GPC5: variants seen among roughly 807,000 people sequenced by gnomAD.
GPC5 encodes glypican 5.
Under a neutral mutation model 53.9 loss-of-function variants are expected in GPC5, and 47 were observed. The observed-to-expected ratio is 0.87, with a 90% CI of 0.69 to 1.11. The LOEUF is 1.11. Ranked by LOEUF, GPC5 falls within the 50% of genes most tolerant of loss-of-function variation. The pLI is 0.00. For synonymous variants in GPC5, 286 were observed against 263.3 expected, an observed-to-expected ratio of 1.09 and a Z score of -0.84; for missense variants, 748 against 713.1, an observed-to-expected ratio of 1.05 and a Z score of -0.56.
intron 2 of GPC5, among the ~76,000 whole-genome samples, chr13:91,480,758 G>C (rs1482468994): frequency 6.6e-6 from 1 of 152,120 alleles, no homozygotes; most frequent in African/African-American, 2.4e-5. Flanking sequence ...TATAAGGAGG[G>C]TTCACCTAGG....
At chr13:92,474,416 A>T (rs1435627343) in intron 7 of GPC5, among the ~76,000 whole-genome samples, 1 of 152,064 alleles carries the variant, frequency 6.6e-6, no homozygotes, top group East Asian at 1.9e-4. Flanking sequence ...ATTTGCATTT[A>T]TTTCAGATAC....
chr13:92,626,482 G>A (rs776504116), intron 7 of GPC5, among the ~76,000 whole-genome samples: 5 of 152,190 alleles, frequency 3.3e-5, no homozygotes, highest in Admixed American at 6.5e-5. Flanking sequence ...TGTGGTGAAC[G>A]TTGGGGATAG....
intron 7 of GPC5, among the ~76,000 whole-genome samples, chr13:92,310,874 C>A (rs1180004948): frequency 2.6e-5 from 4 of 152,020 alleles, no homozygotes; most frequent in Non-Finnish European, 5.9e-5. Context: ...AAACATAGCA[C>A]TGATAATAAA....
chr13:91,930,829 T>C (rs2039815132), intron 6 of GPC5, among the ~76,000 whole-genome samples: 1 of 152,116 alleles, frequency 6.6e-6, no homozygotes, highest in African/African-American at 2.4e-5. Context: ...CAATTGGATT[T>C]ATTAATTCTC....
intron 7 of GPC5, among the ~76,000 whole-genome samples, chr13:92,344,184 G>A (rs1216337051): frequency 6.6e-6 from 1 of 152,096 alleles, no homozygotes; most frequent in South Asian, 2.1e-4. Context: ...TATAATCATG[G>A]CAGAAGGGGA....
At chr13:91,729,741 A>G (rs138739698) in intron 4 of GPC5, among the ~76,000 whole-genome samples, 1 of 152,292 alleles carries the variant, frequency 6.6e-6, no homozygotes, top group African/African-American at 2.4e-5. Flanking sequence ...CTTGCACTTG[A>G]AAAATCAGTA....
intron 6 of GPC5, among the ~76,000 whole-genome samples, chr13:91,943,002 GT>G (rs529238627): frequency 1.3e-5 from 2 of 152,126 alleles, no homozygotes; most frequent in African/African-American, 4.8e-5. Context: ...AAATAGCTCT[GT>G]TTTTTATTTG....
At chr13:91,518,362 AAAC>A (rs1427610299) in intron 2 of GPC5, among the ~76,000 whole-genome samples, 3 of 152,154 alleles carry the variant, frequency 2.0e-5, no homozygotes, top group Non-Finnish European at 2.9e-5. Context: ...CCCCCATCTC[AAAC>A]AACAACAACA....
intron 7 of GPC5, among the ~76,000 whole-genome samples, chr13:92,481,343 C>T (rs1199421914): frequency 3.3e-5 from 5 of 152,064 alleles, no homozygotes; most frequent in African/African-American, 9.7e-5. Context: ...TCTCGTGATC[C>T]GCCCACCTTG....
chr13:91,642,424 C>T (rs1192287270), intron 2 of GPC5, among the ~76,000 whole-genome samples: 8 of 152,120 alleles, frequency 5.3e-5, no homozygotes, highest in Admixed American at 2.0e-4. Context: ...AAAAGTAACA[C>T]AGGAAGCGAC....
At chr13:91,594,872 C>G (rs1187227193) in intron 2 of GPC5, among the ~76,000 whole-genome samples, 3 of 152,010 alleles carry the variant, frequency 2.0e-5, no homozygotes, top group Non-Finnish European at 4.4e-5. Flanking sequence ...TGGGGTCTCA[C>G]TATGTTACCC....
intron 7 of GPC5, among the ~76,000 whole-genome samples, chr13:92,482,786 C>T (rs1879407551): frequency 6.6e-6 from 1 of 152,098 alleles, no homozygotes; most frequent in South Asian, 2.1e-4. Flanking sequence ...TCCTTAAGAA[C>T]ATTCTAAATC....
chr13:91,705,033 G>A (rs2036069620), intron 3 of GPC5, among the ~76,000 whole-genome samples: 1 of 152,184 alleles, frequency 6.6e-6, no homozygotes, highest in South Asian at 2.1e-4. Context: ...GTGTCTGGCT[G>A]GTTTCAGCTA....
intron 7 of GPC5, among the ~76,000 whole-genome samples, chr13:92,542,485 C>T (rs140454658): frequency 6.6e-6 from 1 of 152,104 alleles, no homozygotes; most frequent in African/African-American, 2.4e-5. Context: ...ATAATGTCAT[C>T]TCTTATCGTT....
In GPC5 at chr13:92,319,410, T is replaced by TAAA. The variant is rs67635557; in HGVS notation, c.1561+174438_1561+174440dup. Among the ~76,000 whole-genome samples, 78 of 108,718 alleles carry TAAA rather than the reference T, an allele frequency of 7.2e-4. 1 individual carries two copies. Among genetic ancestry groups the TAAA allele is most frequent in the African/African-American group, 2.1e-3 (67 of 32,590 alleles). The allele number at this position is 108,718 out of a possible 152,430, so 71.3% of individuals were successfully genotyped here. A position where few individuals can be genotyped will look rare whatever the true frequency, so the allele number is the denominator to read the frequency against. Reference sequence around the variant, plus strand: ...CCCCATGATAATGCATCTCTGAAACTAAAAAAAAAAAAAAAAAAAGAGGAA... The same window carrying TAAA: ...CCCCATGATAATGCATCTCTGAAACTAAAAAAAAAAAAAAAAAAAAAAGAGGAA... On this transcript the variant is annotated intron_variant, in intron 7 of 7. Coordinates refer to ENST00000377067, the MANE Select transcript of GPC5 (RefSeq NM_004466.6).
intron 5 of GPC5, among the ~76,000 whole-genome samples, chr13:91,823,300 A>G (rs1162330405): frequency 1.3e-5 from 2 of 152,118 alleles, no homozygotes; most frequent in African/African-American, 4.8e-5. Context: ...TAATATAGAG[A>G]TTCCATAGAT....
At chr13:91,710,994 A>G (rs865995008) in intron 3 of GPC5, among the ~76,000 whole-genome samples, 11 of 152,324 alleles carry the variant, frequency 7.2e-5, no homozygotes, top group Middle Eastern at 3.4e-3. Context: ...GAATGCTTTT[A>G]CACTGTTGGT....
chr13:91,454,424 T>G (rs1363398302), intron 2 of GPC5, among the ~76,000 whole-genome samples: 1 of 152,112 alleles, frequency 6.6e-6, no homozygotes, highest in African/African-American at 2.4e-5. Flanking sequence ...ATGGCTATGG[T>G]AATCTCATCT....
chr13:91,775,825 C>A (rs1791959038), intron 5 of GPC5, among the ~76,000 whole-genome samples: 1 of 152,128 alleles, frequency 6.6e-6, no homozygotes, highest in Admixed American at 6.5e-5. Flanking sequence ...CAGGTTTCAT[C>A]TAAGTGAGAA....
Sources: gnomAD v4.1 joint callset for allele counts (sites outside exome capture counted in the v4.1 genomes callset) on GRCh38, gnomAD v4.1.1 for gene constraint, MANE v1.5 for transcripts, NCBI Gene and HGNC (gene_info 2026-07-23, HGNC 2026-07-21) for gene names.